Variants in CCDC7 observed in about 807,000 individuals in gnomAD.
CCDC7 encodes coiled-coil domain-containing protein 7.
A neutral mutation model predicts 196.9 loss-of-function variants in CCDC7; 183 were observed. That is an observed-to-expected ratio of 0.93 (90% CI 0.82 to 1.05). The LOEUF is 1.05. Ranked by LOEUF, CCDC7 falls within the 50% of genes least tolerant of loss-of-function variation. CCDC7 has a pLI of 0.00. For missense variants in CCDC7, 1,540 were observed against 1,482.2 expected (o/e 1.04, Z -0.64); for synonymous variants, 525 against 484.6 (o/e 1.08, Z -1.10).
chr10:32,475,124 A>G (rs1301206105), intron 8 of CCDC7, among the ~76,000 whole-genome samples: 1 of 152,180 alleles, frequency 6.6e-6, no homozygotes, highest in Non-Finnish European at 1.5e-5. Context: ...TGGACCTCTC[A>G]AGAGCTCTCT....
chr10:32,708,046 G>C (rs2080107428), intron 24 of CCDC7, among the ~76,000 whole-genome samples: 1 of 152,074 alleles, frequency 6.6e-6, no homozygotes, highest in Non-Finnish European at 1.5e-5. Flanking sequence ...AAAGCTGGAG[G>C]CATCACGCTA....
At chr10:32,534,972 T>C (rs1175074340) in intron 11 of CCDC7, among the ~76,000 whole-genome samples, 4 of 149,826 alleles carry the variant, frequency 2.7e-5, no homozygotes, top group African/African-American at 1.0e-4. Flanking sequence ...GTTGACCCCC[T>C]CATTCTCACT....
intron 11 of CCDC7, among the ~76,000 whole-genome samples, chr10:32,521,755 A>G (rs2135602148): frequency 6.6e-6 from 1 of 152,270 alleles, no homozygotes; most frequent in South Asian, 2.1e-4. Context: ...CAGTCATGAC[A>G]GTGGGCATTC....
intron 29 of CCDC7, among the ~76,000 whole-genome samples, chr10:32,780,489 CAG>C (rs1401531142): frequency 6.6e-6 from 1 of 151,998 alleles, no homozygotes; most frequent in Non-Finnish European, 1.5e-5. Flanking sequence ...ATGTTAATGA[CAG>C]GGATAAGTTA....
rs554090865 is a variant in CCDC7, at chr10:32,561,413, C to T, written c.1135-4145C>T. Among the ~76,000 whole-genome samples the T allele has an allele frequency of 2.1e-3, 318 of 152,280 alleles. 1 individual carries two copies. Among genetic ancestry groups the T allele is most frequent in the African/African-American group, 7.4e-3 (309 of 41,558 alleles). ...ACATAGTTGGAAGTAAAGCTCTCCT[C>T]AGCAAATGTAAAAGAACAGAAATTA... On this transcript the variant is annotated intron_variant, in intron 13 of 41. Transcript: ENST00000639629.
intron 18 of CCDC7, among the ~76,000 whole-genome samples, chr10:32,630,813 G>C (rs778791443): frequency 3.3e-5 from 5 of 152,112 alleles, no homozygotes; most frequent in Non-Finnish European, 7.4e-5. Context: ...TTTATATGCT[G>C]TGTCAGTTAG....
intron 11 of CCDC7, among the ~76,000 whole-genome samples, chr10:32,540,476 G>T (rs117031520): frequency 6.6e-6 from 1 of 152,092 alleles, no homozygotes; most frequent in South Asian, 2.1e-4. Context: ...TCCTTTTCCA[G>T]CTTGCCACTC....
At chr10:32,797,178 T>TGG (rs2083727075) in intron 29 of CCDC7, among the ~76,000 whole-genome samples, 1 of 146,464 alleles carries the variant, frequency 6.8e-6, no homozygotes. Context: ...TATGTGTGTG[T>TGG]GTGTATATAT....
intron 41 of CCDC7, among the ~76,000 whole-genome samples, chr10:32,875,892 A>T (rs2094583614): frequency 6.6e-6 from 1 of 151,954 alleles, no homozygotes; most frequent in South Asian, 2.1e-4. Context: ...TTAAGTATAT[A>T]CATTTTTTTT....
chr10:32,526,214 C>T (rs902236635), intron 11 of CCDC7, among the ~76,000 whole-genome samples: 1 of 152,256 alleles, frequency 6.6e-6, no homozygotes, highest in Admixed American at 6.5e-5. Context: ...ATGAGGGCTT[C>T]TGCCTGTACA....
intron 22 of CCDC7, among the ~76,000 whole-genome samples, chr10:32,687,268 G>A (rs1446392767): frequency 6.6e-6 from 1 of 152,210 alleles, no homozygotes. Context: ...AATAAGGGCA[G>A]TGATTTCTAT....
At chr10:32,767,947 C>T (rs1015610878) in intron 28 of CCDC7, among the ~76,000 whole-genome samples, 1 of 151,944 alleles carries the variant, frequency 6.6e-6, no homozygotes, top group Non-Finnish European at 1.5e-5. Context: ...CCCAGAAATT[C>T]TGGAGTTGAG....
intron 11 of CCDC7, among the ~76,000 whole-genome samples, chr10:32,530,123 G>C (rs1023303075): frequency 3.3e-5 from 5 of 152,042 alleles, no homozygotes; most frequent in African/African-American, 1.2e-4. Context: ...TTGTACTGGT[G>C]GTCTATATGC....
chr10:32,837,721 T>TACACCATGGA (rs534950498), intron 33 of CCDC7, among the ~76,000 whole-genome samples: 120 of 152,178 alleles, frequency 7.9e-4, no homozygotes, highest in African/African-American at 2.6e-3. Flanking sequence ...GTGGCACATA[T>TACACCATGGA]ACACCATGGA....
intron 3 of CCDC7, among the ~76,000 whole-genome samples, chr10:32,461,733 A>ATATATATATATATG (rs1564632446): frequency 5.9e-5 from 5 of 84,186 alleles, no homozygotes; most frequent in African/African-American, 2.3e-4. Context: ...ATATATATGT[A>ATATATATATATATG]TATATATATA....
exon 14 of CCDC7, chr10:32,565,586 A>G (rs1156561450): frequency 1.1e-5 from 18 of 1,609,672 alleles, no homozygotes; most frequent in Non-Finnish European, 1.4e-5. Context: ...ATTGAGAACA[A>G]AGTCCTTCAG....
At chr10:32,521,210 C>A (rs919828501) in intron 11 of CCDC7, among the ~76,000 whole-genome samples, 2 of 151,822 alleles carry the variant, frequency 1.3e-5, no homozygotes, top group Non-Finnish European at 2.9e-5. Context: ...GGGGCTTTTG[C>A]GATTTCATAT....
intron 29 of CCDC7, among the ~76,000 whole-genome samples, chr10:32,797,191 ACG>A (rs1565530614): frequency 2.6e-4 from 38 of 148,796 alleles, no homozygotes; most frequent in Non-Finnish European, 4.0e-4. Flanking sequence ...GTATATATAT[ACG>A]TATATATATA....
intron 16 of CCDC7, among the ~76,000 whole-genome samples, chr10:32,582,139 T>TATATATATATATATAC (rs1201465796): frequency 4.6e-5 from 6 of 131,056 alleles, no homozygotes; most frequent in African/African-American, 1.4e-4. Flanking sequence ...TATATATATA[T>TATATATATATATATAC]ACTTTTTTTT....
Sources: gnomAD v4.1 joint callset for allele counts (sites outside exome capture counted in the v4.1 genomes callset) on GRCh38, gnomAD v4.1.1 for gene constraint, MANE v1.5 for transcripts, NCBI Gene and HGNC (gene_info 2026-07-23, HGNC 2026-07-21) for gene names.